Variants in KCNIP4 observed in about 807,000 individuals in gnomAD.
KCNIP4 encodes the protein potassium voltage-gated channel interacting protein 4.
In KCNIP4, 12 loss-of-function variants were observed where a neutral mutation model predicts 34.0. The observed-to-expected ratio is 0.35, with a 90% CI of 0.23 to 0.57. The LOEUF (loss-of-function observed/expected upper bound fraction) is 0.57, where lower values mean the gene tolerates loss of function less well. KCNIP4 is among the 20% of genes least tolerant of loss of function. KCNIP4 has a pLI of 0.83. For missense variants in KCNIP4, 238 were observed against 311.7 expected (o/e 0.76, Z 1.78); for synonymous variants, 124 against 102.2 (o/e 1.21, Z -1.29).
chr4:20,758,572 T>C (rs1228193054), intron 4 of KCNIP4, among the ~76,000 whole-genome samples: 1 of 152,168 alleles, frequency 6.6e-6, no homozygotes, highest in Non-Finnish European at 1.5e-5. Flanking sequence ...CATTGTGCAT[T>C]TGAGAGCCAC....
chr4:21,858,265 C>A (rs1724874000), intron 1 of KCNIP4, among the ~76,000 whole-genome samples: 1 of 152,214 alleles, frequency 6.6e-6, no homozygotes, highest in East Asian at 1.9e-4. Context: ...TGAAGTGACA[C>A]CCCAAGGATC....
intron 1 of KCNIP4, among the ~76,000 whole-genome samples, chr4:21,801,421 T>C (rs1165499959): frequency 1.3e-5 from 2 of 152,006 alleles, no homozygotes; most frequent in Non-Finnish European, 2.9e-5. Context: ...GGGAGTTAGA[T>C]TGGTGATTAT....
chr4:21,815,058 C>T (rs1249653920), intron 1 of KCNIP4, among the ~76,000 whole-genome samples: 2 of 152,150 alleles, frequency 1.3e-5, no homozygotes, highest in South Asian at 2.1e-4. Context: ...GAACACTATA[C>T]ATATTATGCC....
intron 1 of KCNIP4, among the ~76,000 whole-genome samples, chr4:21,921,699 T>C (rs1183687562): frequency 1.3e-5 from 2 of 152,148 alleles, no homozygotes; most frequent in Admixed American, 6.6e-5. Context: ...TTACTCTACC[T>C]GCACAATACA....
chr4:21,310,454 C>T (rs191710840), intron 1 of KCNIP4, among the ~76,000 whole-genome samples: 73 of 152,174 alleles, frequency 4.8e-4, no homozygotes, highest in African/African-American at 1.6e-3. Flanking sequence ...TATTCTGGTG[C>T]GCAAAATCAG....
intron 1 of KCNIP4, among the ~76,000 whole-genome samples, chr4:21,891,881 T>C (rs1727117072): frequency 6.6e-6 from 1 of 152,078 alleles, no homozygotes; most frequent in Non-Finnish European, 1.5e-5. Flanking sequence ...AGTAAATTAA[T>C]TTGCCTCTGT....
chr4:20,911,641 T>A (rs1366412056), intron 1 of KCNIP4, among the ~76,000 whole-genome samples: 1 of 152,212 alleles, frequency 6.6e-6, no homozygotes, highest in East Asian at 1.9e-4. Context: ...ATGACCTAGG[T>A]TGGCAGGGAT....
At chr4:21,100,780 G>A (rs1747865312) in intron 1 of KCNIP4, among the ~76,000 whole-genome samples, 1 of 151,986 alleles carries the variant, frequency 6.6e-6, no homozygotes, top group South Asian at 2.1e-4. Context: ...TATTTAATAG[G>A]CAACAATATA....
chr4:21,807,706 T>A (rs940670008), intron 1 of KCNIP4, among the ~76,000 whole-genome samples: 1 of 152,152 alleles, frequency 6.6e-6, no homozygotes, highest in East Asian at 1.9e-4. Flanking sequence ...GAATTAAAAT[T>A]CTCTATTACT....
At chr4:21,402,285 T>C (rs1723620457) in intron 1 of KCNIP4, among the ~76,000 whole-genome samples, 1 of 152,234 alleles carries the variant, frequency 6.6e-6, no homozygotes, top group Non-Finnish European at 1.5e-5. Flanking sequence ...ACACTCATGG[T>C]TGCAAATTCA....
At chr4:21,697,561 C>A in intron 1 of KCNIP4, 2 of 1,414,266 alleles carry the variant, frequency 1.4e-6, no homozygotes, top group South Asian at 1.7e-5. Flanking sequence ...GGCTGCCTTA[C>A]AACTCCTGTG....
chr4:20,953,784 T>C (rs1560597460), intron 1 of KCNIP4, among the ~76,000 whole-genome samples: 1 of 152,192 alleles, frequency 6.6e-6, no homozygotes, highest in East Asian at 1.9e-4. Flanking sequence ...CATTCTCACC[T>C]TATCAATATT....
intron 1 of KCNIP4, among the ~76,000 whole-genome samples, chr4:21,134,999 T>C (rs897467948): frequency 2.6e-5 from 4 of 152,196 alleles, no homozygotes; most frequent in Admixed American, 6.5e-5. Context: ...ATGGCATCAG[T>C]AGAACTAGAA....
chr4:21,467,513 A>G (rs1436477958), intron 1 of KCNIP4, among the ~76,000 whole-genome samples: 1 of 152,134 alleles, frequency 6.6e-6, no homozygotes, highest in Non-Finnish European at 1.5e-5. Context: ...GAGTAAATGA[A>G]CCGGCCTCAA....
At chr4:21,933,563 C>T (rs1163156487) in intron 1 of KCNIP4, among the ~76,000 whole-genome samples, 1 of 152,034 alleles carries the variant, frequency 6.6e-6, no homozygotes, top group Non-Finnish European at 1.5e-5. Flanking sequence ...TCAGCATACT[C>T]AGAATGTATT....
chr4:21,878,002 C>T (rs1402475179), intron 1 of KCNIP4, among the ~76,000 whole-genome samples: 1 of 152,102 alleles, frequency 6.6e-6, no homozygotes, highest in Non-Finnish European at 1.5e-5. Context: ...AGAACACAGG[C>T]CCATGGAAAC....
intron 1 of KCNIP4, among the ~76,000 whole-genome samples, chr4:20,959,703 T>C (rs1733662878): frequency 6.6e-6 from 1 of 152,154 alleles, no homozygotes; most frequent in Admixed American, 6.5e-5. Flanking sequence ...TCTGTTTGTG[T>C]ATCTCTCTTC....
chr4:21,694,914 CAAAAA>C (rs368053041), intron 1 of KCNIP4, among the ~76,000 whole-genome samples: 1 of 46,536 alleles, frequency 2.1e-5, no homozygotes, highest in South Asian at 5.9e-4. Context: ...CACGATTGAC[CAAAAA>C]AAAAAAAAAA....
intron 1 of KCNIP4, among the ~76,000 whole-genome samples, chr4:21,547,730 T>C (rs1206407233): frequency 6.6e-6 from 1 of 152,126 alleles, no homozygotes; most frequent in East Asian, 1.9e-4. Context: ...TGTTTTAGAT[T>C]TCAGATTTTT....
Sources: allele counts gnomAD v4.1 joint callset (sites outside exome capture counted in the v4.1 genomes callset), GRCh38; gene constraint gnomAD v4.1.1; transcripts MANE v1.5; gene names NCBI Gene and HGNC (gene_info 2026-07-23, HGNC 2026-07-21).